The following PCNX3 variants were observed in gnomAD, a reference collection of about 807,000 sequenced individuals.
PCNX3 encodes pecanex 3.
A neutral mutation model predicts 207.2 loss-of-function variants in PCNX3; 58 were observed. That is an observed-to-expected ratio of 0.28 (90% CI 0.23 to 0.35). PCNX3 has a LOEUF of 0.35. PCNX3 is among the 10% of genes least tolerant of loss of function. The pLI, the probability that PCNX3 is intolerant of heterozygous loss-of-function variation, is 1.00. For synonymous variants in PCNX3, 1,337 were observed against 1,183.5 expected (o/e 1.13, Z -2.66); for missense variants, 2,410 against 2,774.4 (o/e 0.87, Z 2.95).
At position 65,620,912 on chromosome 11, in the gene PCNX3, G is replaced by T; in HGVS notation, c.2181G>T (p.Arg727Ser). 1.3e-6 allele frequency: 2 copies of T among 1,563,880 alleles called. No homozygotes were observed. Among genetic ancestry groups the T allele is most frequent in the East Asian group, 2.4e-5 (1 of 41,646 alleles). Reference sequence around the variant, plus strand: ...GCGGCCTGAACCTGCTGCAGCCGAGGCCTGTGGTTCTGCAGGGCATGCAGG... The same window carrying T: ...GCGGCCTGAACCTGCTGCAGCCGAGTCCTGTGGTTCTGCAGGGCATGCAGG... ...ATGGLNLLQP[R>S]PVVLQGMQVR... Residue 727 changes from arginine (R) to serine (S), a missense_variant, in exon 10 of 35, where the codon AGG becomes AGT. Transcript: ENST00000355703.
chr11:65,634,541 G>A lies in PCNX3; in HGVS notation c.4705G>A (p.Val1569Met), dbSNP rs753711713. The A allele has an allele frequency of 2.6e-5, 42 of 1,592,112 alleles. No homozygotes were observed. Among genetic ancestry groups the A allele is most frequent in the Non-Finnish European group, 3.5e-5 (41 of 1,172,586 alleles). ...QYCASRRSQP[V>M]DQDWNSPLVT... ...GATGGGGGTCCTTATGCCACAGCCC[G>A]TGGACCAGGATTGGAACTCCCCGCT... is the stretch of plus-strand genomic sequence containing the variant. Residue 1569 changes from valine (V) to methionine (M), a missense_variant, in exon 29 of 35, where the codon GTG becomes ATG. This residue lies in a region of PCNX3 where 420 missense variants were observed against 705.3 expected (regional missense o/e 0.60). Coordinates refer to ENST00000355703, the MANE Select transcript of PCNX3 (RefSeq NM_032223.4).
intron 11 of PCNX3, among the ~76,000 whole-genome samples, chr11:65,623,047 G>T (rs990524000): frequency 6.6e-6 from 1 of 152,238 alleles, no homozygotes; most frequent in Non-Finnish European, 1.5e-5. Context: ...GAAGTCAGAT[G>T]ACTTCTACCC....
chr11:65,626,842 G>A, intron 20 of PCNX3, 62 bp from the exon 21 acceptor site: 2 of 1,552,170 alleles, frequency 1.3e-6, no homozygotes, highest in Non-Finnish European at 1.7e-6. Flanking sequence ...CCTAGGGAAG[G>A]ACTTCCTCAG....
chr11:65,630,504 G>A lies in PCNX3; in HGVS notation c.4370G>A (p.Ser1457Asn). 1 of 1,613,578 alleles carries A rather than the reference G, an allele frequency of 6.2e-7. No individual in the cohort carries two copies. Among genetic ancestry groups the A allele is most frequent in the South Asian group, 1.1e-5 (1 of 91,082 alleles). ...TGGCTGGCTTGGGAGGTAACAGCCA[G>A]CAAGTACGTGCTGGAGGGCTATAGC... ...QRWLAWEVTA[S>N]KYVLEGYSIS... The change falls in exon 27 of 35, where the codon AGC becomes AAC. Residue 1457 changes from serine to asparagine, a missense_variant. Transcript: ENST00000355703.
rs376907631 is a variant in PCNX3 at position 65,630,526 on chromosome 11, T to C, written c.4392T>C (p.Tyr1464=). 6.4e-5 allele frequency: 104 copies of C among 1,613,504 alleles called. No individual in the cohort carries two copies. The highest frequency in any genetic ancestry group is 8.1e-5 in the Non-Finnish European group (95 of 1,179,876). ...CCAGCAAGTACGTGCTGGAGGGCTA[T>C]AGCATTAGTGACAATAATGCTGCCT... ...VTASKYVLEG[Y]SISDNNAASM... is the part of the protein sequence containing the mutation. The change falls in exon 27 of 35, where the codon TAT becomes TAC. Residue 1464 remains tyrosine, a synonymous_variant. Coordinates refer to ENST00000355703, the MANE Select transcript of PCNX3 (RefSeq NM_032223.4).
intron 15 of PCNX3, 62 bp from the exon 16 acceptor site, chr11:65,624,863 G>T: frequency 2.0e-6 from 3 of 1,497,466 alleles, no homozygotes; most frequent in East Asian, 2.3e-5. Flanking sequence ...GGGAAGCGCG[G>T]CTAGGGTTGA....
rs1291668487 is a variant in PCNX3, at chr11:65,616,274, G to C, written c.-38G>C. 6 of 1,511,560 alleles carry C rather than the reference G, an allele frequency of 4.0e-6. No individual in the cohort carries two copies. The highest frequency in any genetic ancestry group is 4.4e-6 in the Non-Finnish European group (5 of 1,134,510). 93.6% of individuals were successfully genotyped at this position (1,511,560 alleles called of 1,614,324 possible). A position where few individuals can be genotyped will look rare whatever the true frequency, so the allele number is the denominator to read the frequency against. On this transcript the variant is annotated 5_prime_UTR_variant, in exon 1 of 35. Coordinates refer to ENST00000355703, the MANE Select transcript of PCNX3 (RefSeq NM_032223.4). ...TGGGCCGGGGGCCGCCCCCATGAGG[G>C]TCCCGGGAGGGGGGGCGCGGGCAGC...
chr11:65,626,230 C>G (rs1253933567), intron 20 of PCNX3, 176 bp downstream of exon 20: 4 of 901,802 alleles, frequency 4.4e-6, no homozygotes, highest in Admixed American at 4.0e-5. Context: ...CGCTCTCCAC[C>G]GACTCTTCTC....
intron 11 of PCNX3, 131 bp from the exon 12 acceptor site, chr11:65,623,360 A>G (rs746357691): frequency 3.2e-6 from 4 of 1,231,738 alleles, no homozygotes; most frequent in Admixed American, 3.2e-5. Flanking sequence ...AGGTGTTCAC[A>G]TCTTCAGAGG....
rs534512472 is a variant in PCNX3 at position 65,635,966 on chromosome 11, C to T, written c.5459+163C>T. Among the ~76,000 whole-genome samples the T allele has an allele frequency of 6.6e-6, 1 of 152,260 alleles. No homozygotes were observed. Among genetic ancestry groups the T allele is most frequent in the Non-Finnish European group, 1.5e-5 (1 of 68,004 alleles). ...CCCCTCCTAGATGTCACCTTACCCC[C>T]AGAGCTGACAGTGGCCTTTAGTCAT... On this transcript the variant is annotated intron_variant, in intron 32 of 34. Transcript: ENST00000355703. This position sits in a 1 kb window ranked among gnomAD's most constrained non-coding sequence, Gnocchi z 9.9.
intron 20 of PCNX3, 111 bp from the exon 21 acceptor site, chr11:65,626,793 C>G (rs566531896): frequency 1.3e-4 from 187 of 1,488,210 alleles, no homozygotes; most frequent in African/African-American, 2.4e-4. Context: ...GCCCCTCCCC[C>G]CAGGGTCTCC....
chr11:65,635,025 A>G lies in PCNX3; in HGVS notation c.4858A>G (p.Ile1620Val). 6.2e-7 allele frequency: 1 copy of G among 1,613,658 alleles called. No homozygotes were observed. The highest frequency in any genetic ancestry group is 8.5e-7 in the Non-Finnish European group (1 of 1,179,804). The change falls in exon 30 of 35, where the codon ATC (isoleucine) becomes GTC (valine). Residue 1620 changes from isoleucine to valine, a missense_variant. By Grantham distance (29) the Ile-to-Val change is conservative (BLOSUM62 3). Transcript: ENST00000355703. The surrounding 1 kb of genome is among the most constrained non-coding windows in gnomAD (Gnocchi z 9.9). ...LHALFKGDFR[I>V]TSPRDEWVFA... ...CGCCCTGTTCAAGGGGGATTTTCGC[A>G]TCACCTCCCCACGTGACGAGTGGGT...
Position 65,627,496 on chromosome 11 carries a change from A to G in PCNX3, c.3616A>G (p.Thr1206Ala), listed in dbSNP as rs996570573. ...PPQQYLTLAF[T>A]VLLFHFDYPR... ...ACAGCAGTACCTGACGTTGGCCTTC[A>G]CCGTCCTGCTCTTCCACTTTGACTA... Residue 1206 changes from threonine (T) to alanine (A), a missense_variant, in exon 22 of 35, where the codon ACC becomes GCC. Thr to Ala is a moderately conservative substitution (Grantham distance 58). This residue lies in a region of PCNX3 where 333 missense variants were observed against 386.8 expected (regional missense o/e 0.86). Transcript: ENST00000355703. 1 of 1,613,684 alleles carries G rather than the reference A, an allele frequency of 6.2e-7. No homozygotes were observed. The highest frequency in any genetic ancestry group is 8.5e-7 in the Non-Finnish European group (1 of 1,179,834).
In PCNX3 at chr11:65,635,218, G is replaced by A; in HGVS notation, c.4954G>A (p.Asp1652Asn). The change falls in exon 31 of 35, where the codon GAC becomes AAC. Residue 1652 changes from aspartate (D) to asparagine (N), a missense_variant and splice_region_variant. Asp to Asn is a conservative substitution (Grantham distance 23). Coordinates refer to ENST00000355703, the MANE Select transcript of PCNX3 (RefSeq NM_032223.4). This position sits in a 1 kb window ranked among gnomAD's most constrained non-coding sequence, Gnocchi z 9.9. Reference sequence around the variant, plus strand: ...CCCCTGTTCCCGTCTTCTCTACCAGGACCACTTCACGTCCCCAGATGAATA... The same window carrying A: ...CCCCTGTTCCCGTCTTCTCTACCAGAACCACTTCACGTCCCCAGATGAATA... Reference protein sequence around the residue: ...GVRMALKLHQDHFTSPDEYEE... With the variant: ...GVRMALKLHQNHFTSPDEYEE... 1 of 1,590,078 alleles carries A rather than the reference G, an allele frequency of 6.3e-7. No individual in the cohort carries two copies. Among genetic ancestry groups the A allele is most frequent in the Non-Finnish European group, 8.6e-7 (1 of 1,168,114 alleles).
Position 65,617,615 on chromosome 11 carries a change from C to T in PCNX3, c.486C>T (p.Ile162=), listed in dbSNP as rs1854814338. 1 of 1,611,720 alleles carries T rather than the reference C, an allele frequency of 6.2e-7. No homozygotes were observed. Among genetic ancestry groups the T allele is most frequent in the Non-Finnish European group, 8.5e-7 (1 of 1,178,960 alleles). Residue 162 remains isoleucine, a synonymous_variant, in exon 5 of 35, where the codon ATC becomes ATT. Transcript: ENST00000355703. ...RMEDSGPLRD[I]KELVREQGSN... ...CCTCTGGGGCCATGGTTGCAGACAT[C>T]AAGGAGCTGGTGCGGGAGCAGGGCA...
Position 65,624,337 on chromosome 11 carries a change from T to C in PCNX3, c.2687T>C (p.Phe896Ser), listed in dbSNP as rs1182534435. ...GGCCTCACGCTCTTCTCTGCCTCCTTCTTCTTCTGTGCCCGAGACGTGGCC... is the reference window on the plus strand; with the variant it reads ...GGCCTCACGCTCTTCTCTGCCTCCTCCTTCTTCTGTGCCCGAGACGTGGCC... ...LYGLTLFSAS[F>S]FFCARDVATV... Residue 896 changes from phenylalanine to serine, a missense_variant, in exon 14 of 35, where the codon TTC (phenylalanine) becomes TCC (serine). Around this residue, in one of 8 missense-constraint regions of PCNX3, gnomAD observed 177 missense variants for 257.5 expected, o/e 0.69. Transcript: ENST00000355703. The C allele has an allele frequency of 2.6e-5, 41 of 1,558,818 alleles. No individual in the cohort carries two copies. The highest frequency in any genetic ancestry group is 8.3e-5 in the South Asian group (7 of 84,618).
chr11:65,625,109 G>C lies in PCNX3; in HGVS notation c.2920-62G>C, dbSNP rs552464735. The C allele has an allele frequency of 2.6e-5, 40 of 1,550,752 alleles. No individual in the cohort carries two copies. In the South Asian group the frequency reaches 3.2e-4, roughly 12 times the overall value. On this transcript the variant is annotated intron_variant, in intron 16 of 34. Transcript: ENST00000355703. This position sits in a 1 kb window ranked among gnomAD's most constrained non-coding sequence, Gnocchi z 5.6. ...TGGGCTCAGCAGTGGCTTCTCACAC[G>C]GGGGCAGCCCGGGCCCCATGCTTAC... is the stretch of plus-strand genomic sequence containing the variant.
chr11:65,627,377 GC>G, intron 21 of PCNX3, 27 bp from the exon 22 acceptor site: 1 of 1,599,268 alleles, frequency 6.3e-7, no homozygotes, highest in Non-Finnish European at 8.5e-7. Context: ...CCCCTACCAA[GC>G]ACCCGATGCC....
intron 3 of PCNX3, 24 bp from the exon 4 acceptor site, chr11:65,617,446 C>T (rs777337602): frequency 1.3e-5 from 21 of 1,613,916 alleles, no homozygotes; most frequent in Middle Eastern, 1.6e-4. Context: ...TTGTTTGTTC[C>T]TTCATGGCTC....
Sources: allele counts gnomAD v4.1 joint callset (sites outside exome capture counted in the v4.1 genomes callset), GRCh38; gene constraint gnomAD v4.1.1; regional missense constraint gnomAD v4.1.1; non-coding constraint Gnocchi (gnomAD v3.1); transcripts MANE v1.5; gene names NCBI Gene and HGNC (gene_info 2026-07-23, HGNC 2026-07-21).